Variants in TRHDE observed in about 807,000 individuals in gnomAD.
TRHDE encodes thyrotropin releasing hormone degrading enzyme.
TRHDE carries 72 observed loss-of-function variants against 125.7 expected under a neutral mutation model. The observed-to-expected ratio is 0.57, with a 90% CI of 0.47 to 0.70. TRHDE has a LOEUF of 0.70. TRHDE is among the 30% of genes least tolerant of loss of function. The probability of loss-of-function intolerance (pLI) is 0.00; values close to 1 mark genes in which losing one functional copy is unlikely to be tolerated. For synonymous variants in TRHDE, 509 were observed against 509.1 expected, an observed-to-expected ratio of 1.00 and a Z score of 0.00; for missense variants, 1,110 against 1,327.1, an observed-to-expected ratio of 0.84 and a Z score of 2.54.
At chr12:72,204,875 C>T (rs1322566079) in intron 2 of TRHDE, among the ~76,000 whole-genome samples, 5 of 152,094 alleles carry the variant, frequency 3.3e-5, no homozygotes, top group Non-Finnish European at 7.3e-5. Flanking sequence ...CCATGAAAAA[C>T]AGCTGTTCAA....
chr12:72,110,048 A>G (rs1347120776), intron 2 of TRHDE, among the ~76,000 whole-genome samples: 1 of 152,092 alleles, frequency 6.6e-6, no homozygotes, highest in Non-Finnish European at 1.5e-5. Flanking sequence ...AAGCCATCAC[A>G]TCACGTTCCT....
chr12:72,543,229 T>C (rs2887071), intron 7 of TRHDE, among the ~76,000 whole-genome samples: 60,830 of 151,266 alleles, frequency 0.4, 14,822 homozygotes, highest in African/African-American at 0.68. Context: ...ATTCTATCTG[T>C]ACCCCCAAAT....
intron 12 of TRHDE, among the ~76,000 whole-genome samples, chr12:72,602,184 C>T (rs1872236683): frequency 6.6e-6 from 1 of 152,028 alleles, no homozygotes; most frequent in Non-Finnish European, 1.5e-5. Context: ...GATTTCCCAA[C>T]ATCAATGTCT....
intron 17 of TRHDE, among the ~76,000 whole-genome samples, chr12:72,654,800 C>T (rs552452060): frequency 2.6e-4 from 39 of 152,174 alleles, no homozygotes; most frequent in Non-Finnish European, 5.0e-4. Flanking sequence ...GTGACCACTT[C>T]CCCAGTGCAG....
intron 12 of TRHDE, among the ~76,000 whole-genome samples, chr12:72,616,379 T>C (rs906536071): frequency 2.6e-5 from 4 of 152,084 alleles, no homozygotes; most frequent in African/African-American, 9.7e-5. Flanking sequence ...AAATTGTAGA[T>C]ATATAGGTTA....
In TRHDE at chr12:72,378,037, G is replaced by C; in HGVS notation, c.1231G>C (p.Gly411Arg). Reference sequence around the variant, plus strand: ...ACCTGATGCTATCAGAAGAGGATCCGGGGACTATGCTCTCCATATAACAAA... The same window carrying C: ...ACCTGATGCTATCAGAAGAGGATCCCGGGACTATGCTCTCCATATAACAAA... The part of the protein sequence containing the change: ...ARPDAIRRGS[G>R]DYALHITKRL... The change falls in exon 3 of 19, where the codon GGG (glycine) becomes CGG (arginine). Residue 411 changes from glycine (G) to arginine (R), a missense_variant. Transcript: ENST00000261180. 6.2e-7 allele frequency: 1 copy of C among 1,605,232 alleles called. No homozygotes were observed. The highest frequency in any genetic ancestry group is 1.1e-5 in the South Asian group (1 of 89,732).
chr12:72,178,987 A>T (rs1877043528), intron 2 of TRHDE, among the ~76,000 whole-genome samples: 1 of 152,128 alleles, frequency 6.6e-6, no homozygotes, highest in Non-Finnish European at 1.5e-5. Context: ...GAAGGTTCCC[A>T]AATGTCACTG....
chr12:72,465,482 TTTC>T (rs1379283617), intron 3 of TRHDE, among the ~76,000 whole-genome samples: 1 of 152,174 alleles, frequency 6.6e-6, no homozygotes, highest in Non-Finnish European at 1.5e-5. Flanking sequence ...TAGATATAGC[TTTC>T]TTCTTTTTTT....
At chr12:72,406,855 A>G (rs1873287032) in intron 3 of TRHDE, among the ~76,000 whole-genome samples, 1 of 152,210 alleles carries the variant, frequency 6.6e-6, no homozygotes, top group African/African-American at 2.4e-5. Context: ...AAATTTAAAA[A>G]ACCTCAAATT....
chr12:72,483,187 G>A (rs764044283), intron 5 of TRHDE, among the ~76,000 whole-genome samples: 4 of 151,404 alleles, frequency 2.6e-5, no homozygotes, highest in Non-Finnish European at 5.9e-5. Context: ...AAATAAGTAT[G>A]GAACATCAAT....
At chr12:72,559,993 T>C (rs1870100953) in intron 7 of TRHDE, among the ~76,000 whole-genome samples, 1 of 152,166 alleles carries the variant, frequency 6.6e-6, no homozygotes, top group African/African-American at 2.4e-5. Flanking sequence ...CCATAAATTT[T>C]GTGGAATTAA....
At chr12:72,278,253 G>A (rs1198875529) in intron 1 of TRHDE, among the ~76,000 whole-genome samples, 1 of 152,088 alleles carries the variant, frequency 6.6e-6, no homozygotes, top group Non-Finnish European at 1.5e-5. Context: ...CATCCATGTT[G>A]TCTCAAATGA....
chr12:72,563,138 G>GTT (rs1156393668), intron 9 of TRHDE, 98 bp downstream of exon 9: 1 of 920,410 alleles, frequency 1.1e-6, no homozygotes, highest in African/African-American at 1.7e-5. Context: ...CTGAAATATT[G>GTT]TAAGTGAAAT....
intron 2 of TRHDE, among the ~76,000 whole-genome samples, chr12:72,220,915 A>T (rs1171835001): frequency 6.6e-6 from 1 of 152,094 alleles, no homozygotes; most frequent in African/African-American, 2.4e-5. Flanking sequence ...AGAGAGCTTT[A>T]AATAAATATA....
intron 2 of TRHDE, among the ~76,000 whole-genome samples, chr12:72,328,026 C>T (rs571710109): frequency 1.3e-5 from 2 of 152,144 alleles, no homozygotes; most frequent in Admixed American, 1.3e-4. Flanking sequence ...TGCATACTGA[C>T]ATGCAGTGTA....
intron 2 of TRHDE, among the ~76,000 whole-genome samples, chr12:72,198,946 A>AGG (rs1877499275): frequency 6.6e-6 from 1 of 151,972 alleles, no homozygotes; most frequent in Non-Finnish European, 1.5e-5. Flanking sequence ...AGAGAGAGAG[A>AGG]GAGAGAGAGA....
At chr12:72,221,951 T>C (rs1878009724) in intron 2 of TRHDE, among the ~76,000 whole-genome samples, 1 of 152,114 alleles carries the variant, frequency 6.6e-6, no homozygotes, top group Non-Finnish European at 1.5e-5. Flanking sequence ...AGCATCTCTC[T>C]GTGTAGTGTC....
intron 12 of TRHDE, among the ~76,000 whole-genome samples, chr12:72,597,762 T>C (rs113769170): frequency 6.2e-4 from 50 of 80,606 alleles, no homozygotes; most frequent in Non-Finnish European, 9.6e-4. Context: ...TATATATGCA[T>C]ACACACACAA....
chr12:72,137,014 C>T (rs751771853), intron 2 of TRHDE, among the ~76,000 whole-genome samples: 3 of 152,228 alleles, frequency 2.0e-5, no homozygotes, highest in Non-Finnish European at 4.4e-5. Flanking sequence ...AGGGCAACAT[C>T]CCGGCAATAG....
Sources: allele counts gnomAD v4.1 joint callset (sites outside exome capture counted in the v4.1 genomes callset), GRCh38; gene constraint gnomAD v4.1.1; transcripts MANE v1.5; gene names NCBI Gene and HGNC (gene_info 2026-07-23, HGNC 2026-07-21).